The following FKTN variants were observed in gnomAD, a reference collection of about 807,000 sequenced individuals.
FKTN encodes fukutin, also known as ribitol-5-phosphate transferase FKTN.
Under a neutral mutation model 58.6 loss-of-function variants are expected in FKTN, and 47 were observed. The observed-to-expected ratio is 0.80, with a 90% CI of 0.63 to 1.02. The LOEUF (loss-of-function observed/expected upper bound fraction) is 1.02. FKTN is among the 50% of genes least tolerant of loss of function. The probability of loss-of-function intolerance (pLI) is 0.00; values close to 1 mark genes in which losing one functional copy is unlikely to be tolerated. For synonymous variants in FKTN, 178 were observed against 191.9 expected, an observed-to-expected ratio of 0.93 and a Z score of 0.60; for missense variants, 516 against 537.3, an observed-to-expected ratio of 0.96 and a Z score of 0.39.
At chr9:105,586,474 A>G (rs1388691467) in intron 3 of FKTN, among the ~76,000 whole-genome samples, 5 of 152,198 alleles carry the variant, frequency 3.3e-5, no homozygotes, top group Non-Finnish European at 7.3e-5. Context: ...AACCAACAGG[A>G]TAGTATGATA....
chr9:105,570,547 ATCT>A (rs374818719), intron 1 of FKTN, among the ~76,000 whole-genome samples: 100 of 152,268 alleles, frequency 6.6e-4, no homozygotes, highest in Non-Finnish European at 9.6e-4. Flanking sequence ...TTTGGAAAAC[ATCT>A]TCTCATATTC....
chr9:105,566,166 T>C (rs969014053), intron 1 of FKTN, among the ~76,000 whole-genome samples: 1 of 152,102 alleles, frequency 6.6e-6, no homozygotes, highest in South Asian at 2.1e-4. Context: ...AGAGGGAAAT[T>C]TATAGCACTA....
intron 1 of FKTN, among the ~76,000 whole-genome samples, chr9:105,565,705 C>T (rs1839441783): frequency 6.6e-6 from 1 of 152,172 alleles, no homozygotes; most frequent in Non-Finnish European, 1.5e-5. Context: ...TAATGGGAGA[C>T]TTTAACACCC....
At chr9:105,615,147 G>A in intron 7 of FKTN, 131 bp from the exon 8 acceptor site, 2 of 972,584 alleles carry the variant, frequency 2.1e-6, no homozygotes, top group Non-Finnish European at 3.2e-6. Context: ...GCTTCCCAAA[G>A]TTCTGGGGTT....
At chr9:105,611,606 C>T (rs1829927200) in intron 7 of FKTN, among the ~76,000 whole-genome samples, 1 of 152,158 alleles carries the variant, frequency 6.6e-6, no homozygotes, top group Non-Finnish European at 1.5e-5. Flanking sequence ...ATTAGGTTTT[C>T]TGTTCCTGTG....
intron 9 of FKTN, 106 bp downstream of exon 9, chr9:105,618,198 C>A: frequency 1.1e-6 from 1 of 940,468 alleles, no homozygotes; most frequent in African/African-American, 1.6e-5. Flanking sequence ...ATAATTTTAT[C>A]ACTCAGTATT....
intron 1 of FKTN, among the ~76,000 whole-genome samples, chr9:105,558,956 G>A (rs1837736565): frequency 6.6e-6 from 1 of 152,214 alleles, no homozygotes; most frequent in African/African-American, 2.4e-5. Flanking sequence ...TGGGAAGGCT[G>A]GCATTGAACG....
chr9:105,566,940 A>G (rs1839752392), intron 1 of FKTN, among the ~76,000 whole-genome samples: 1 of 152,254 alleles, frequency 6.6e-6, no homozygotes, highest in South Asian at 2.1e-4. Flanking sequence ...CAAAAAGCTT[A>G]TCCACCATGA....
intron 10 of FKTN, among the ~76,000 whole-genome samples, chr9:105,634,282 C>T (rs10816287): frequency 6.6e-6 from 1 of 151,756 alleles, no homozygotes; most frequent in East Asian, 1.9e-4. Flanking sequence ...CAGGAGTGTG[C>T]CACCACACCC....
intron 3 of FKTN, among the ~76,000 whole-genome samples, chr9:105,581,710 C>A (rs541934197): frequency 8.7e-4 from 132 of 152,300 alleles, no homozygotes; most frequent in African/African-American, 3.0e-3. Flanking sequence ...TCGAGCTTCC[C>A]GGCTGCTTTG....
rs1833962821 is a variant in FKTN at position 105,635,434 on chromosome 9, A to G, written c.*170A>G. On this transcript the variant is annotated 3_prime_UTR_variant, in exon 11 of 11. Transcript: ENST00000357998. Reference sequence around the variant, plus strand: ...TAATTCTCTCACTTAGTACTGAGGAATTTTCATGTGCCACATACAATGCTA... The same window carrying G: ...TAATTCTCTCACTTAGTACTGAGGAGTTTTCATGTGCCACATACAATGCTA... 9.6e-6 allele frequency: 14 copies of G among 1,458,568 alleles called. No homozygotes were observed. Among genetic ancestry groups the G allele is most frequent in the Middle Eastern group, 2.5e-4 (1 of 3,970 alleles). 90.4% of individuals were successfully genotyped at this position (1,458,568 alleles called of 1,614,324 possible). A position where few individuals can be genotyped will look rare whatever the true frequency, so the allele number is the denominator to read the frequency against.
At chr9:105,558,656 T>C (rs1481118323) in intron 1 of FKTN, among the ~76,000 whole-genome samples, 1 of 147,840 alleles carries the variant, frequency 6.8e-6, no homozygotes, top group Admixed American at 6.7e-5. Flanking sequence ...AAAAAGGACC[T>C]AGATGATATA....
At position 105,575,698 on chromosome 9, in the gene FKTN, ATTG is replaced by A. The variant is rs1371943059; in HGVS notation, c.105+563_105+565del. 3.9e-5 allele frequency among the ~76,000 whole-genome samples: 6 copies of A among 152,178 alleles called. No individual in the cohort carries two copies. In the East Asian group the frequency reaches 1.2e-3, roughly 29 times the overall value. On this transcript the variant is annotated intron_variant, in intron 3 of 10. Coordinates refer to ENST00000357998, the MANE Select transcript of FKTN (RefSeq NM_001079802.2). ...ATAATAATTACTACCATCACTGATA[ATTG>A]TACTAGATGCTTTCCATGCTCAGTT...
At chr9:105,562,398 C>T (rs1312579004) in intron 1 of FKTN, among the ~76,000 whole-genome samples, 6 of 152,188 alleles carry the variant, frequency 3.9e-5, no homozygotes, top group South Asian at 4.2e-4. Context: ...TGGGGAGCCA[C>T]GTGACTGGTT....
intron 9 of FKTN, among the ~76,000 whole-genome samples, chr9:105,619,605 G>T (rs1354441620): frequency 6.6e-6 from 1 of 151,890 alleles, no homozygotes; most frequent in Non-Finnish European, 1.5e-5. Flanking sequence ...TATTTCTTTG[G>T]TTCTTTTCCT....
intron 10 of FKTN, 126 bp downstream of exon 10, chr9:105,620,187 T>A: frequency 1.3e-6 from 1 of 767,262 alleles, no homozygotes; most frequent in Non-Finnish European, 2.1e-6. Context: ...GCTAACACTT[T>A]CTTAGCTTAC....
intron 10 of FKTN, among the ~76,000 whole-genome samples, chr9:105,634,414 G>A (rs543505128): frequency 1.3e-5 from 2 of 152,214 alleles, no homozygotes; most frequent in South Asian, 2.1e-4. Flanking sequence ...GATTACAGGC[G>A]GGAGCCACCA....
chr9:105,564,338 T>C (rs945000918), intron 1 of FKTN, among the ~76,000 whole-genome samples: 2 of 152,138 alleles, frequency 1.3e-5, no homozygotes, highest in African/African-American at 4.8e-5. Context: ...CTTCAGACGA[T>C]CAAACTTCTC....
rs758166890 is a variant in FKTN at position 105,604,360 on chromosome 9, A to T, written c.515A>T (p.His172Leu). ...YICKLATHAIHLVVFHERSGN... is the reference protein window; with the variant it reads ...YICKLATHAILLVVFHERSGN... ...TGCAAACTGGCCACTCATGCGATCCACTTGGTAGTCTTTCATGAGAGGAGT... is the reference window on the plus strand; with the variant it reads ...TGCAAACTGGCCACTCATGCGATCCTCTTGGTAGTCTTTCATGAGAGGAGT... Residue 172 changes from histidine to leucine, a missense_variant, in exon 6 of 11, where the codon CAC (histidine) becomes CTC (leucine). Coordinates refer to ENST00000357998, the MANE Select transcript of FKTN (RefSeq NM_001079802.2). 2 of 1,614,156 alleles carry T rather than the reference A, an allele frequency of 1.2e-6. No homozygotes were observed. The highest frequency in any genetic ancestry group is 1.7e-6 in the Non-Finnish European group (2 of 1,179,996).
Sources: gnomAD v4.1 joint callset for allele counts (sites outside exome capture counted in the v4.1 genomes callset) on GRCh38, gnomAD v4.1.1 for gene constraint, MANE v1.5 for transcripts, NCBI Gene and HGNC (gene_info 2026-07-23, HGNC 2026-07-21) for gene names.